The following CDC42 variants were observed in gnomAD, a reference collection of about 807,000 sequenced individuals.
CDC42 encodes the protein cell division control protein 42 homolog.
In CDC42, 1 loss-of-function variant was observed where a neutral mutation model predicts 20.8. That is an observed-to-expected ratio of 0.05 (90% CI 0.02 to 0.23). The LOEUF (loss-of-function observed/expected upper bound fraction) is 0.23, where lower values mean the gene tolerates loss of function less well. Among genes scored for constraint, CDC42 ranks in the 10% least tolerant of loss-of-function variants. The pLI, the probability that CDC42 is intolerant of heterozygous loss-of-function variation, is 1.00. For missense variants in CDC42, 49 were observed against 227.9 expected, an observed-to-expected ratio of 0.21 and a Z score of 5.05; for synonymous variants, 72 against 84.8, an observed-to-expected ratio of 0.85 and a Z score of 0.83.
intron 2 of CDC42, among the ~76,000 whole-genome samples, chr1:22,080,159 G>T (rs143083718): frequency 5.9e-5 from 9 of 152,292 alleles, no homozygotes; most frequent in African/African-American, 2.2e-4. Flanking sequence ...GGGTACTCAG[G>T]CCCAATTTAG....
chr1:22,066,915 T>G (rs1645430348), intron 1 of CDC42, among the ~76,000 whole-genome samples: 1 of 152,108 alleles, frequency 6.6e-6, no homozygotes, highest in Non-Finnish European at 1.5e-5. Context: ...AATACAAAAT[T>G]AGCCGGGTGT....
At position 22,055,867 on chromosome 1, in the gene CDC42, G is replaced by GTTTT. The variant is rs35437576; in HGVS notation, c.-51+3141_-51+3144dup. On this transcript the variant is annotated intron_variant, in intron 1 of 5. Transcript: ENST00000656825. Reference sequence around the variant, plus strand: ...AAATGCACTTCTCTATTGTTTTAGAGTTTTTTTTTTTTTTTTTTTGAGAGG... The same window carrying GTTTT: ...AAATGCACTTCTCTATTGTTTTAGAGTTTTTTTTTTTTTTTTTTTTTTTGAGAGG... 1.4e-3 allele frequency among the ~76,000 whole-genome samples: 179 copies of GTTTT among 126,646 alleles called. 1 individual carries two copies. The highest frequency in any genetic ancestry group is 5.0e-3 in the African/African-American group (165 of 32,718). 83.1% of individuals were successfully genotyped at this position (126,646 alleles called of 152,430 possible).
At chr1:22,073,616 G>A (rs1645516860) in intron 1 of CDC42, among the ~76,000 whole-genome samples, 1 of 151,954 alleles carries the variant, frequency 6.6e-6, no homozygotes, top group Non-Finnish European at 1.5e-5. Context: ...ACAGAAGGAA[G>A]ATATACCTTA....
rs1366521237 is a variant in CDC42, at chr1:22,096,236, G to A, written c.*4719G>A. Among the ~76,000 whole-genome samples the A allele has an allele frequency of 1.3e-5, 2 of 152,160 alleles. No homozygotes were observed. Among genetic ancestry groups the A allele is most frequent in the African/African-American group, 2.4e-5 (1 of 41,430 alleles). ...AGCCTCCCAAAGTGCTGGGATTATAGGCATGAGTCACTGCGCCCGGCCTAT... is the reference window on the plus strand; with the variant it reads ...AGCCTCCCAAAGTGCTGGGATTATAAGCATGAGTCACTGCGCCCGGCCTAT... On this transcript the variant is annotated 3_prime_UTR_variant, in exon 6 of 6. Transcript: ENST00000656825.
At chr1:22,067,650 T>G (rs1034969193) in intron 1 of CDC42, among the ~76,000 whole-genome samples, 1 of 152,176 alleles carries the variant, frequency 6.6e-6, no homozygotes, top group Non-Finnish European at 1.5e-5. Flanking sequence ...CATACCAGTT[T>G]GTTCCTTTTT....
chr1:22,077,029 G>T (rs556030480), intron 1 of CDC42, among the ~76,000 whole-genome samples: 2 of 152,104 alleles, frequency 1.3e-5, no homozygotes, highest in African/African-American at 4.8e-5. Flanking sequence ...GGTGGCATGC[G>T]TCTGTGGTTC....
intron 5 of CDC42, chr1:22,090,677 C>G: frequency 1.0e-6 from 1 of 985,340 alleles, no homozygotes; most frequent in Non-Finnish European, 1.2e-6. Context: ...AGTTGACTTA[C>G]AGTTTGTTAA....
chr1:22,076,164 G>A (rs1336798312), intron 1 of CDC42, among the ~76,000 whole-genome samples: 1 of 152,088 alleles, frequency 6.6e-6, no homozygotes, highest in Non-Finnish European at 1.5e-5. Context: ...TGTTTATCAA[G>A]AGCAGGGACT....
rs1645731890 is a variant in CDC42 at position 22,092,942 on chromosome 1, C to T, written c.*1425C>T. 6.6e-6 allele frequency: 1 copy of T among 152,620 alleles called. No homozygotes were observed. The highest frequency in any genetic ancestry group is 6.5e-5 in the Admixed American group (1 of 15,276). 9.5% of individuals were successfully genotyped at this position (152,620 alleles called of 1,614,324 possible). On this transcript the variant is annotated 3_prime_UTR_variant, in exon 6 of 6. Coordinates refer to ENST00000656825, the MANE Select transcript of CDC42 (RefSeq NM_001791.4). ...ATGTATTAAACAAACAAAAACCCTT[C>T]ACAAGCCAGCCTGAGGGTTGTTATT...
chr1:22,078,267 A>G (rs1368317784), intron 1 of CDC42, among the ~76,000 whole-genome samples, 162 bp from the exon 2 acceptor site: 1 of 152,180 alleles, frequency 6.6e-6, no homozygotes, highest in Non-Finnish European at 1.5e-5. Context: ...CTTATTTGTT[A>G]TTGTAACTTA....
At chr1:22,056,310 C>T (rs1009146526) in intron 1 of CDC42, among the ~76,000 whole-genome samples, 1 of 152,166 alleles carries the variant, frequency 6.6e-6, no homozygotes, top group African/African-American at 2.4e-5. Flanking sequence ...GATTACTAAT[C>T]TACTCTTGCT....
At chr1:22,090,270 C>CA (rs1205131136) in intron 5 of CDC42, 1 of 1,195,678 alleles carries the variant, frequency 8.4e-7, no homozygotes. Flanking sequence ...GCCTGATGCT[C>CA]AGAGCTTTTT....
intron 1 of CDC42, among the ~76,000 whole-genome samples, chr1:22,063,652 C>T (rs551047386): frequency 6.6e-6 from 1 of 152,062 alleles, no homozygotes; most frequent in African/African-American, 2.4e-5. Flanking sequence ...CTTTTTTCCC[C>T]TTTAGGACAA....
chr1:22,060,171 G>A (rs544382991), intron 1 of CDC42, among the ~76,000 whole-genome samples: 2 of 151,960 alleles, frequency 1.3e-5, no homozygotes, highest in African/African-American at 2.4e-5. Flanking sequence ...GTGAAACCCC[G>A]TCTTTACTAA....
At chr1:22,065,626 T>C (rs1485755517) in intron 1 of CDC42, among the ~76,000 whole-genome samples, 1 of 152,214 alleles carries the variant, frequency 6.6e-6, no homozygotes, top group African/African-American at 2.4e-5. Flanking sequence ...CATTTCTCTG[T>C]AGTGGTCTTG....
In CDC42 at chr1:22,098,488, C is replaced by T. The variant is rs1245661261; in HGVS notation, c.*6971C>T. ...CCTTGGTGATAGAACCTTTTTGAAA[C>T]TTTGAAAAAGTTAAAAGGGTTCTGT... On this transcript the variant is annotated 3_prime_UTR_variant, in exon 6 of 6. Coordinates refer to ENST00000656825, the MANE Select transcript of CDC42 (RefSeq NM_001791.4). Among the ~76,000 whole-genome samples the T allele has an allele frequency of 1.3e-5, 2 of 152,084 alleles. No homozygotes were observed. The highest frequency in any genetic ancestry group is 2.9e-5 in the Non-Finnish European group (2 of 68,008).
intron 5 of CDC42, chr1:22,089,977 T>C: frequency 6.2e-7 from 1 of 1,614,048 alleles, no homozygotes; most frequent in Non-Finnish European, 8.5e-7. Flanking sequence ...GAGGCTATCC[T>C]AGCTGCCCTC....
chr1:22,061,940 T>G (rs28673632), intron 1 of CDC42, among the ~76,000 whole-genome samples: 8 of 151,674 alleles, frequency 5.3e-5, no homozygotes, highest in African/African-American at 1.7e-4. Context: ...TTTATTTTAT[T>G]TATTTCTTTT....
At chr1:22,083,618 A>AG (rs1645630789) in intron 3 of CDC42, among the ~76,000 whole-genome samples, 4 of 152,068 alleles carry the variant, frequency 2.6e-5, no homozygotes, top group Admixed American at 6.5e-5. Flanking sequence ...AAAAAAAAAA[A>AG]TCGTTTTAAG....
Sources: gnomAD v4.1 joint callset for allele counts (sites outside exome capture counted in the v4.1 genomes callset) on GRCh38, gnomAD v4.1.1 for gene constraint, MANE v1.5 for transcripts, NCBI Gene and HGNC (gene_info 2026-07-23, HGNC 2026-07-21) for gene names.